Variants in SLC44A3 observed in about 807,000 individuals in gnomAD.
The protein encoded by SLC44A3 is solute carrier family 44 member 3.
In SLC44A3, 74 loss-of-function variants were observed where a neutral mutation model predicts 75.4. That is an observed-to-expected ratio of 0.98 (90% CI 0.81 to 1.19). SLC44A3 has a LOEUF of 1.19. Ranked by LOEUF, SLC44A3 falls within the 50% of genes most tolerant of loss-of-function variation. The probability of loss-of-function intolerance (pLI) is 0.00; values close to 1 mark genes in which losing one functional copy is unlikely to be tolerated. For synonymous variants in SLC44A3, 310 were observed against 296.9 expected (o/e 1.04, Z -0.45); for missense variants, 700 against 778.6 (o/e 0.90, Z 1.20).
At chr1:94,833,019 A>G (rs889068084) in intron 5 of SLC44A3, among the ~76,000 whole-genome samples, 5 of 151,344 alleles carry the variant, frequency 3.3e-5, no homozygotes, top group Non-Finnish European at 5.9e-5. Flanking sequence ...TAAACTTCTC[A>G]CTTGATCGGA....
intron 5 of SLC44A3, among the ~76,000 whole-genome samples, chr1:94,829,268 C>T (rs949247659): frequency 1.5e-4 from 21 of 144,808 alleles, no homozygotes; most frequent in African/African-American, 5.4e-4. Context: ...GGTGACAGAG[C>T]GGGAATCTGT....
intron 10 of SLC44A3, among the ~76,000 whole-genome samples, chr1:94,863,789 G>A (rs749368867): frequency 1.3e-5 from 2 of 152,116 alleles, no homozygotes; most frequent in Non-Finnish European, 2.9e-5. Flanking sequence ...ACAGCAAAAT[G>A]CAGCCATTGC....
Position 94,891,143 on chromosome 1 carries a change from C to A in SLC44A3, c.1496C>A (p.Thr499Lys), listed in dbSNP as rs2101680557. ...LLHLNQNAYT[T>K]TAINGTDFCT... is the part of the protein sequence containing the mutation. ...CTTCTGTTTCAGAATGCATATACTA[C>A]AACTGCTATTAATGGGACAGATTTC... is the stretch of plus-strand genomic sequence containing the variant. Residue 499 changes from threonine to lysine, a missense_variant, in exon 13 of 15, where the codon ACA becomes AAA. Transcript: ENST00000271227. The A allele has an allele frequency of 6.2e-7, 1 of 1,607,488 alleles. No individual in the cohort carries two copies. Among genetic ancestry groups the A allele is most frequent in the Non-Finnish European group, 8.5e-7 (1 of 1,177,980 alleles).
chr1:94,847,361 G>A (rs982936898), intron 9 of SLC44A3, among the ~76,000 whole-genome samples: 6 of 152,190 alleles, frequency 3.9e-5, no homozygotes, highest in African/African-American at 1.4e-4. Flanking sequence ...CCTTGAGGAG[G>A]GTGGCAGGGA....
intron 12 of SLC44A3, chr1:94,889,393 T>C (rs1669950827): frequency 6.6e-6 from 1 of 152,170 alleles, no homozygotes; most frequent in African/African-American, 2.4e-5. Flanking sequence ...AAGTTATAAA[T>C]TCTTGTTGTA....
intron 4 of SLC44A3, 76 bp downstream of exon 4, chr1:94,827,719 C>T: frequency 3.3e-6 from 5 of 1,517,112 alleles, no homozygotes; most frequent in Non-Finnish European, 4.5e-6. Context: ...ATCATTTACC[C>T]TGACTCTGCT....
intron 5 of SLC44A3, among the ~76,000 whole-genome samples, chr1:94,829,030 G>C (rs1341949895): frequency 3.9e-5 from 6 of 152,114 alleles, no homozygotes; most frequent in African/African-American, 1.4e-4. Context: ...CACGAGGTCA[G>C]GAGATGGAGA....
chr1:94,882,348 T>C (rs1195763696), intron 12 of SLC44A3, among the ~76,000 whole-genome samples: 3 of 152,022 alleles, frequency 2.0e-5, no homozygotes, highest in African/African-American at 7.3e-5. Flanking sequence ...AACCAGGGAG[T>C]GGCGCTCACT....
intron 2 of SLC44A3, among the ~76,000 whole-genome samples, chr1:94,823,221 A>C (rs938577504): frequency 2.0e-5 from 3 of 152,192 alleles, no homozygotes; most frequent in Non-Finnish European, 2.9e-5. Flanking sequence ...ATCCAAACAC[A>C]GTCCAGACCT....
intron 5 of SLC44A3, among the ~76,000 whole-genome samples, chr1:94,834,288 A>C (rs1175013370): frequency 6.6e-6 from 1 of 152,200 alleles, no homozygotes; most frequent in Non-Finnish European, 1.5e-5. Context: ...CTGTAGCATC[A>C]GAAAGTAAGG....
intron 12 of SLC44A3, among the ~76,000 whole-genome samples, chr1:94,878,267 A>G (rs1668544306): frequency 6.6e-6 from 1 of 151,884 alleles, no homozygotes. Flanking sequence ...AAACAAAAAA[A>G]AAACAGAGAA....
Position 94,864,871 on chromosome 1 carries a change from T to C in SLC44A3, c.1367T>C (p.Met456Thr), listed in dbSNP as rs201239079. ...GTGAGGATTCCGAGAATCATTGTCA[T>C]GTACATGCAAAACGCACTGAAAGAA... The part of the protein sequence containing the change: ...SVVRIPRIIV[M>T]YMQNALKEQQ... Residue 456 changes from methionine (M) to threonine (T), a missense_variant, in exon 11 of 15, where the codon ATG becomes ACG. Physicochemically the swap from Met to Thr is moderately conservative, Grantham distance 81. Transcript: ENST00000271227. 9.7e-5 allele frequency: 157 copies of C among 1,613,872 alleles called. No homozygotes were observed. The East Asian group carries it at 3.2e-3, about 33-fold the overall frequency.
intron 5 of SLC44A3, among the ~76,000 whole-genome samples, chr1:94,836,266 C>T (rs755936158): frequency 6.6e-5 from 10 of 152,176 alleles, no homozygotes; most frequent in Admixed American, 6.5e-4. Context: ...GAAAGAAGAA[C>T]AGGACCCTGT....
intron 3 of SLC44A3, 39 bp from the exon 4 acceptor site, chr1:94,827,468 A>G: frequency 6.2e-7 from 1 of 1,611,642 alleles, no homozygotes; most frequent in Non-Finnish European, 8.5e-7. Flanking sequence ...AGTGAGAAGC[A>G]ATGCTCTAAC....
chr1:94,872,598 C>T (rs1667886243), intron 12 of SLC44A3, among the ~76,000 whole-genome samples: 1 of 152,160 alleles, frequency 6.6e-6, no homozygotes, highest in Non-Finnish European at 1.5e-5. Context: ...GGTATAGCAG[C>T]AGTTTGCCTC....
At position 94,873,157 on chromosome 1, in the gene SLC44A3, A is replaced by G. The variant is rs1001723253; in HGVS notation, c.1482+5740A>G. On this transcript the variant is annotated intron_variant, in intron 12 of 14. Transcript: ENST00000271227. The stretch of plus-strand genomic sequence containing the variant: ...CAGTAGGAGTGTACTGTAATGTCCA[A>G]TGCCTTTCACAGCCCTTTTCTGCCT... 2.6e-5 allele frequency among the ~76,000 whole-genome samples: 4 copies of G among 152,228 alleles called. 1 individual carries two copies. The highest frequency in any genetic ancestry group is 4.1e-4 in the South Asian group (2 of 4,826).
intron 5 of SLC44A3, among the ~76,000 whole-genome samples, chr1:94,835,050 A>G (rs1250471873): frequency 6.6e-6 from 1 of 152,256 alleles, no homozygotes; most frequent in Admixed American, 6.5e-5. Context: ...TAGCCTAATC[A>G]TGAGAAAACA....
chr1:94,841,062 G>C (rs887289808), intron 7 of SLC44A3, among the ~76,000 whole-genome samples: 1 of 152,160 alleles, frequency 6.6e-6, no homozygotes, highest in Non-Finnish European at 1.5e-5. Context: ...CACAAACCTA[G>C]ATGGTAGAGC....
chr1:94,830,996 A>G (rs1662049978), intron 5 of SLC44A3, among the ~76,000 whole-genome samples: 2 of 152,214 alleles, frequency 1.3e-5, no homozygotes, highest in South Asian at 2.1e-4. Flanking sequence ...AGAGAGGTTT[A>G]AGTTCATACA....
Sources: allele counts gnomAD v4.1 joint callset (sites outside exome capture counted in the v4.1 genomes callset), GRCh38; gene constraint gnomAD v4.1.1; transcripts MANE v1.5; gene names NCBI Gene and HGNC (gene_info 2026-07-23, HGNC 2026-07-21).